The following ATF6B variants were observed in gnomAD, a reference collection of about 807,000 sequenced individuals.
The protein encoded by ATF6B is cyclic AMP-dependent transcription factor ATF-6 beta.
In ATF6B, 50 loss-of-function variants were observed where a neutral mutation model predicts 83.5. That is an observed-to-expected ratio of 0.60 (90% CI 0.48 to 0.76). The LOEUF is 0.76. Among genes scored for constraint, ATF6B ranks in the 30% least tolerant of loss-of-function variants. The pLI is 0.00. For missense variants in ATF6B, 790 were observed against 893.8 expected (o/e 0.88, Z 1.48); for synonymous variants, 344 against 362.8 (o/e 0.95, Z 0.59).
In ATF6B at chr6:32,115,702, C is replaced by A; in HGVS notation, c.*37G>T. 1 of 1,520,772 alleles carries A rather than the reference C, an allele frequency of 6.6e-7. No individual in the cohort carries two copies. The highest frequency in any genetic ancestry group is 8.9e-7 in the Non-Finnish European group (1 of 1,124,782). The allele number at this position is 1,520,772 out of a possible 1,614,324, so 94.2% of individuals were successfully genotyped here. On this transcript the variant is annotated 3_prime_UTR_variant, in exon 18 of 18. Transcript: ENST00000375203. ...CAGTCCCACCTGGCCACCTGGTACC[C>A]CCTCCCCCCGTTCTAAGTCAGTGTG...
chr6:32,124,374 A>G (rs1781882922), intron 5 of ATF6B, among the ~76,000 whole-genome samples: 2 of 152,150 alleles, frequency 1.3e-5, no homozygotes, highest in Non-Finnish European at 2.9e-5. Context: ...AGGAGGTCAC[A>G]ACTCATCTAT....
rs1186984448 is a variant in ATF6B at position 32,116,576 on chromosome 6, A to G, written c.1798-12T>C. ...AGCAGCAGGTGGTCCTGGGGAACAG[A>G]TGGGCCAGGCCAGAAGGGTGGAGGC... On this transcript the variant is annotated splice_polypyrimidine_tract_variant and intron_variant, in intron 16 of 17. Coordinates refer to ENST00000375203, the MANE Select transcript of ATF6B (RefSeq NM_004381.5). The surrounding 1 kb of genome is among the most constrained non-coding windows in gnomAD (Gnocchi z 5.1). 1.3e-6 allele frequency: 2 copies of G among 1,597,076 alleles called. No homozygotes were observed. The highest frequency in any genetic ancestry group is 1.3e-5 in the African/African-American group (1 of 74,736).
chr6:32,118,124 G>T lies in ATF6B; in HGVS notation c.1245-86C>A, dbSNP rs1318386443. 6.6e-7 allele frequency: 1 copy of T among 1,506,550 alleles called. No homozygotes were observed. The highest frequency in any genetic ancestry group is 9.1e-7 in the Non-Finnish European group (1 of 1,094,214). 93.3% of individuals were successfully genotyped at this position (1,506,550 alleles called of 1,614,324 possible). A position where few individuals can be genotyped will look rare whatever the true frequency, so the allele number is the denominator to read the frequency against. ...AGAATAAAGACTCTGCAGATGGACT[G>T]CTTGAGTTGCAATCTGTTATACAAG... On this transcript the variant is annotated intron_variant, in intron 11 of 17. Transcript: ENST00000375203. The surrounding 1 kb of genome is among the most constrained non-coding windows in gnomAD (Gnocchi z 5.2).
In ATF6B at chr6:32,117,488, C is replaced by T; in HGVS notation, c.1533-84G>A. The T allele has an allele frequency of 6.3e-7, 1 of 1,594,116 alleles. No individual in the cohort carries two copies. The highest frequency in any genetic ancestry group is 8.6e-7 in the Non-Finnish European group (1 of 1,166,244). ...CCCACCCACAGGAGTGAGGAGAGGG[C>T]AGGGAGCACTGGCGCTTTAGTACAC... On this transcript the variant is annotated intron_variant, in intron 13 of 17. Transcript: ENST00000375203. This position sits in a 1 kb window ranked among gnomAD's most constrained non-coding sequence, Gnocchi z 5.0.
Position 32,117,109 on chromosome 6 carries a change from T to C in ATF6B, c.1615-2A>G. 6.2e-7 allele frequency: 1 copy of C among 1,613,786 alleles called. No homozygotes were observed. Among genetic ancestry groups the C allele is most frequent in the Non-Finnish European group, 8.5e-7 (1 of 1,179,794 alleles). On this transcript the variant is annotated splice_acceptor_variant, in intron 14 of 17. Transcript: ENST00000375203. LOFTEE classifies it high-confidence loss of function. The surrounding 1 kb of genome is among the most constrained non-coding windows in gnomAD (Gnocchi z 5.0). ...TGACTTCTTCCGTGGCTGAGACTTC[T>C]GGAAGGAGAAGTATCTAAGGACTTG...
rs1781614659 is a variant in ATF6B, at chr6:32,118,373, G to T, written c.1245-335C>A. 6.6e-6 allele frequency among the ~76,000 whole-genome samples: 1 copy of T among 152,154 alleles called. No homozygotes were observed. Among genetic ancestry groups the T allele is most frequent in the South Asian group, 2.1e-4 (1 of 4,816 alleles). On this transcript the variant is annotated intron_variant, in intron 11 of 17. Coordinates refer to ENST00000375203, the MANE Select transcript of ATF6B (RefSeq NM_004381.5). The surrounding 1 kb of genome is among the most constrained non-coding windows in gnomAD (Gnocchi z 5.2). ...TTTGGGAGGCTGAGGTGGGCAGACT[G>T]CCTGAGCTCAGGAGTTCGAGACCAG...
chr6:32,115,686 C>A lies in ATF6B; in HGVS notation c.*53G>T. 6.8e-7 allele frequency: 1 copy of A among 1,473,340 alleles called. No homozygotes were observed. The highest frequency in any genetic ancestry group is 9.2e-7 in the Non-Finnish European group (1 of 1,086,166). The allele number at this position is 1,473,340 out of a possible 1,614,324, so 91.3% of individuals were successfully genotyped here. The stretch of plus-strand genomic sequence containing the variant: ...TCAGGGAAATTTGAAACAGTCCCAC[C>A]TGGCCACCTGGTACCCCCTCCCCCC... On this transcript the variant is annotated 3_prime_UTR_variant, in exon 18 of 18. Coordinates refer to ENST00000375203, the MANE Select transcript of ATF6B (RefSeq NM_004381.5).
At position 32,117,265 on chromosome 6, in the gene ATF6B, A is replaced by C; in HGVS notation, c.1614+58T>G. The C allele has an allele frequency of 6.3e-7, 1 of 1,583,640 alleles. No individual in the cohort carries two copies. On this transcript the variant is annotated intron_variant, in intron 14 of 17. Coordinates refer to ENST00000375203, the MANE Select transcript of ATF6B (RefSeq NM_004381.5). The surrounding 1 kb of genome is among the most constrained non-coding windows in gnomAD (Gnocchi z 5.0). ...CGAGATGCCCACTAGAAATCCCCAG[A>C]CAAGGCCTTTAGCCCTTGTCTTCAA...
At chr6:32,123,623 C>T (rs1451436951) in intron 5 of ATF6B, among the ~76,000 whole-genome samples, 3 of 152,140 alleles carry the variant, frequency 2.0e-5, no homozygotes, top group East Asian at 1.9e-4. Context: ...CTCCTGACCT[C>T]GTGATCTGCC....
chr6:32,122,255 C>T (rs889306880), intron 5 of ATF6B, among the ~76,000 whole-genome samples: 1 of 152,326 alleles, frequency 6.6e-6, no homozygotes, highest in South Asian at 2.1e-4. Flanking sequence ...CTCCCAGGCA[C>T]CAAACAGCAA....
intron 8 of ATF6B, chr6:32,120,166 C>T: frequency 4.6e-6 from 2 of 432,226 alleles, no homozygotes; most frequent in South Asian, 3.8e-5. Flanking sequence ...GGTGCGATCT[C>T]GGCTCACTGC....
chr6:32,127,732 C>T lies in ATF6B; in HGVS notation c.110G>A (p.Gly37Asp). The T allele has an allele frequency of 6.2e-7, 1 of 1,614,130 alleles. No individual in the cohort carries two copies. The highest frequency in any genetic ancestry group is 1.1e-5 in the South Asian group (1 of 91,082). Residue 37 changes from glycine (G) to aspartate (D), a missense_variant, in exon 2 of 18, where the codon GGC becomes GAC. Gly to Asp is a moderately conservative substitution (Grantham distance 94). Around this residue, in one of 3 missense-constraint regions of ATF6B, gnomAD observed 253 missense variants for 243.1 expected, o/e 1.04. Coordinates refer to ENST00000375203, the MANE Select transcript of ATF6B (RefSeq NM_004381.5). ...WGLQNSTLYS[G>D]LDEVAEEQTQ... ...CTGCTCCTCGGCCACTTCATCTAGG[C>T]CAGAATACAAGGTGCTGTCTGCAAG...
intron 8 of ATF6B, chr6:32,120,211 C>T: frequency 3.8e-6 from 1 of 263,238 alleles, no homozygotes; most frequent in South Asian, 5.9e-5. Flanking sequence ...CATTCTCCTG[C>T]CTCAGCCTCC....
In ATF6B at chr6:32,118,836, T is replaced by C. The variant is rs1430935075; in HGVS notation, c.1183A>G (p.Arg395Gly). 8.1e-6 allele frequency: 13 copies of C among 1,614,230 alleles called. No homozygotes were observed. The highest frequency in any genetic ancestry group is 1.1e-5 in the Non-Finnish European group (13 of 1,180,026). The change falls in exon 11 of 18, where the codon AGG (arginine) becomes GGG (glycine). Residue 395 changes from arginine to glycine, a missense_variant. Transcript: ENST00000375203. This position sits in a 1 kb window ranked among gnomAD's most constrained non-coding sequence, Gnocchi z 5.2. ...NSELKLGSGN[R>G]KVVCIMVFLL... ...AAGACCATGATGCAGACCACCTTCC[T>C]GTTTCCAGACCCTAACTTGAGCTCG...
rs776834249 is a variant in ATF6B, at chr6:32,115,856, C to T, written c.1995G>A (p.Ser665=). ...GGGTTGGGGATGGCTGTTTTCGGAGCGAGGGGGGCACTGTGGAGGTCTTGA... is the reference window on the plus strand; with the variant it reads ...GGGTTGGGGATGGCTGTTTTCGGAGTGAGGGGGGCACTGTGGAGGTCTTGA... ...IHIKTSTVPP[S]LRKQPSPTPG... The change falls in exon 18 of 18, where the codon TCG becomes TCA. Residue 665 remains serine, a synonymous_variant. Transcript: ENST00000375203. The T allele has an allele frequency of 6.8e-6, 11 of 1,613,974 alleles. No individual in the cohort carries two copies. Among genetic ancestry groups the T allele is most frequent in the Admixed American group, 3.3e-5 (2 of 60,002 alleles).
At chr6:32,127,393 G>A (rs2127349202) in intron 3 of ATF6B, 49 bp downstream of exon 3, 1 of 1,571,224 alleles carries the variant, frequency 6.4e-7, no homozygotes, top group East Asian at 2.3e-5. Context: ...GAAACAGTGG[G>A]AAGATGAGGG....
In ATF6B at chr6:32,117,201, C is replaced by G. The variant is rs1327308628; in HGVS notation, c.1615-94G>C. ...GAAGCTGATGCCACCTCCCACTCAA[C>G]CCTCCACTTCCTTCAAACGATCCCT... On this transcript the variant is annotated intron_variant, in intron 14 of 17. Transcript: ENST00000375203. This position sits in a 1 kb window ranked among gnomAD's most constrained non-coding sequence, Gnocchi z 5.0. 6.5e-7 allele frequency: 1 copy of G among 1,530,306 alleles called. No homozygotes were observed. Among genetic ancestry groups the G allele is most frequent in the Non-Finnish European group, 8.9e-7 (1 of 1,118,316 alleles). The allele number at this position is 1,530,306 out of a possible 1,614,324, so 94.8% of individuals were successfully genotyped here.
At chr6:32,123,522 G>A (rs1781848174) in intron 5 of ATF6B, among the ~76,000 whole-genome samples, 1 of 152,094 alleles carries the variant, frequency 6.6e-6, no homozygotes, top group African/African-American at 2.4e-5. Flanking sequence ...CCGAGTAGCT[G>A]AGACTACAGG....
At position 32,128,138 on chromosome 6, in the gene ATF6B, G is replaced by T. The variant is rs1001136560; in HGVS notation, c.70C>A (p.Pro24Thr). 1 of 1,613,152 alleles carries T rather than the reference G, an allele frequency of 6.2e-7. No individual in the cohort carries two copies. The highest frequency in any genetic ancestry group is 8.5e-7 in the Non-Finnish European group (1 of 1,180,004). ...TCACTCTGCAGACCCCAGTCCTCCGGGCTAAGCAGGTTGTCGGTGAAGAAA... is the reference window on the plus strand; with the variant it reads ...TCACTCTGCAGACCCCAGTCCTCCGTGCTAAGCAGGTTGTCGGTGAAGAAA... ...TRFFTDNLLS[P>T]EDWGLQNSTL... is the part of the protein sequence containing the mutation. Residue 24 changes from proline (P) to threonine (T), a missense_variant, in exon 1 of 18, where the codon CCG (proline) becomes ACG (threonine). Physicochemically the swap from Pro to Thr is conservative, Grantham distance 38. Coordinates refer to ENST00000375203, the MANE Select transcript of ATF6B (RefSeq NM_004381.5).
Sources: allele counts gnomAD v4.1 joint callset (sites outside exome capture counted in the v4.1 genomes callset), GRCh38; gene constraint gnomAD v4.1.1; regional missense constraint gnomAD v4.1.1; non-coding constraint Gnocchi (gnomAD v3.1); transcripts MANE v1.5; gene names NCBI Gene and HGNC (gene_info 2026-07-23, HGNC 2026-07-21).